Variants in BOLL observed in about 807,000 individuals in gnomAD.
BOLL encodes the protein protein boule-like.
In BOLL, 23 loss-of-function variants were observed where a neutral mutation model predicts 44.4. That is an observed-to-expected ratio of 0.52 (90% CI 0.37 to 0.73). The LOEUF is 0.73. Among genes scored for constraint, BOLL ranks in the 30% least tolerant of loss-of-function variants. The probability of loss-of-function intolerance (pLI) is 0.00; values close to 1 mark genes in which losing one functional copy is unlikely to be tolerated. For synonymous variants in BOLL, 97 were observed against 110.8 expected, an observed-to-expected ratio of 0.88 and a Z score of 0.78; for missense variants, 287 against 338.3, an observed-to-expected ratio of 0.85 and a Z score of 1.19.
intron 7 of BOLL, among the ~76,000 whole-genome samples, chr2:197,763,317 C>T (rs1688845987): frequency 6.6e-6 from 1 of 151,832 alleles, no homozygotes; most frequent in South Asian, 2.1e-4. Context: ...CCCGTCTCTA[C>T]TAAAAATACA....
chr2:197,776,968 A>G lies in BOLL; in HGVS notation c.276+91T>C, dbSNP rs1026468728. 69 of 1,004,524 alleles carry G rather than the reference A, an allele frequency of 6.9e-5. No homozygotes were observed. The African/African-American group carries it at 1.1e-3, about 17-fold the overall frequency. 62.2% of individuals were successfully genotyped at this position (1,004,524 alleles called of 1,614,324 possible). A position where few individuals can be genotyped will look rare whatever the true frequency, so the allele number is the denominator to read the frequency against. ...TCTTAAGATGCAAACCTTTTTTAAAAAGCAGTTGATTATTGTATTTGAACC... is the reference window on the plus strand; with the variant it reads ...TCTTAAGATGCAAACCTTTTTTAAAGAGCAGTTGATTATTGTATTTGAACC... On this transcript the variant is annotated intron_variant, in intron 4 of 10. Transcript: ENST00000392296.
chr2:197,766,487 G>A (rs1280413204), intron 7 of BOLL, 45 bp downstream of exon 7: 1 of 1,441,078 alleles, frequency 6.9e-7, no homozygotes, highest in Non-Finnish European at 9.7e-7. Context: ...AGCTAAGAAA[G>A]GACTGAAAGT....
chr2:197,729,300 G>A (rs1036778512), intron 10 of BOLL, among the ~76,000 whole-genome samples: 4 of 152,220 alleles, frequency 2.6e-5, no homozygotes, highest in Admixed American at 2.6e-4. Flanking sequence ...CTCGCACCTG[G>A]CTCGGAGGGT....
chr2:197,778,890 A>T (rs555391234), intron 3 of BOLL, 85 bp downstream of exon 3: 3 of 1,177,908 alleles, frequency 2.5e-6, no homozygotes, highest in South Asian at 2.8e-5. Context: ...TGGAAAATGG[A>T]ACCAAAGTAA....
chr2:197,747,841 G>A lies in BOLL; in HGVS notation c.730-4682C>T, dbSNP rs182722546. Among the ~76,000 whole-genome samples the A allele has an allele frequency of 3.1e-4, 47 of 152,278 alleles. No individual in the cohort carries two copies. The East Asian group carries it at 9.1e-3, about 29-fold the overall frequency. On this transcript the variant is annotated intron_variant, in intron 9 of 10. Transcript: ENST00000392296. ...AAACACAGACCAATGGAACAGGATAGAGAACTCAAATAAGACCACATATTT... is the reference window on the plus strand; with the variant it reads ...AAACACAGACCAATGGAACAGGATAAAGAACTCAAATAAGACCACATATTT...
chr2:197,732,001 A>G (rs1293415043), intron 10 of BOLL, among the ~76,000 whole-genome samples: 1 of 151,176 alleles, frequency 6.6e-6, no homozygotes, highest in Non-Finnish European at 1.5e-5. Context: ...AAACCCTTCA[A>G]AAAATTAATG....
intron 10 of BOLL, among the ~76,000 whole-genome samples, chr2:197,742,344 G>T (rs990284222): frequency 6.6e-6 from 1 of 152,260 alleles, no homozygotes; most frequent in East Asian, 1.9e-4. Flanking sequence ...AAATCATGCT[G>T]CTATAAAGAC....
chr2:197,728,921 G>C (rs1402608031), intron 10 of BOLL, among the ~76,000 whole-genome samples: 1 of 152,176 alleles, frequency 6.6e-6, no homozygotes, highest in African/African-American at 2.4e-5. Context: ...TTTTAAAAGG[G>C]GAATAGTATT....
intron 4 of BOLL, among the ~76,000 whole-genome samples, chr2:197,776,702 T>A (rs950415714): frequency 2.6e-5 from 4 of 152,020 alleles, no homozygotes; most frequent in Non-Finnish European, 5.9e-5. Context: ...GTGAATATTC[T>A]TAGTTTATAT....
At chr2:197,744,055 C>T (rs904077429) in intron 9 of BOLL, among the ~76,000 whole-genome samples, 15 of 152,306 alleles carry the variant, frequency 9.8e-5, no homozygotes, top group Non-Finnish European at 1.5e-4. Flanking sequence ...GGGATCCACC[C>T]GCCTCGGCCT....
intron 10 of BOLL, among the ~76,000 whole-genome samples, chr2:197,732,383 A>G (rs1208094315): frequency 1.3e-5 from 2 of 152,220 alleles, no homozygotes; most frequent in Non-Finnish European, 2.9e-5. Context: ...CCAGAGGTAC[A>G]AGGAACAACT....
chr2:197,781,647 G>T, intron 2 of BOLL, 75 bp downstream of exon 2: 1 of 1,283,556 alleles, frequency 7.8e-7, no homozygotes. Flanking sequence ...TTTTATAGTT[G>T]CACAAAGAAA....
At chr2:197,728,983 G>C (rs1317878452) in intron 10 of BOLL, among the ~76,000 whole-genome samples, 1 of 152,176 alleles carries the variant, frequency 6.6e-6, no homozygotes, top group African/African-American at 2.4e-5. Context: ...CAAGATGGCC[G>C]AATAGGAACA....
chr2:197,776,313 G>A (rs541853289), intron 4 of BOLL, among the ~76,000 whole-genome samples: 19 of 151,844 alleles, frequency 1.3e-4, no homozygotes, highest in Non-Finnish European at 2.8e-4. Flanking sequence ...TATTAGATGT[G>A]CTTAATTCAA....
chr2:197,746,690 A>C (rs2106332241), intron 9 of BOLL, among the ~76,000 whole-genome samples: 1 of 152,198 alleles, frequency 6.6e-6, no homozygotes, highest in African/African-American at 2.4e-5. Flanking sequence ...TCATGAGGTC[A>C]AGAAATCGAG....
At chr2:197,762,234 C>T (rs915355287) in intron 7 of BOLL, among the ~76,000 whole-genome samples, 9 of 152,090 alleles carry the variant, frequency 5.9e-5, no homozygotes, top group African/African-American at 2.2e-4. Flanking sequence ...ATCCCAGCTA[C>T]CGAGGAGGCT....
intron 4 of BOLL, among the ~76,000 whole-genome samples, chr2:197,776,440 T>C (rs1689516836): frequency 6.6e-5 from 10 of 151,948 alleles, no homozygotes; most frequent in Admixed American, 6.6e-4. Flanking sequence ...GATAGGTTGA[T>C]GGCAATATTG....
chr2:197,759,764 C>T (rs1688670295), intron 7 of BOLL, among the ~76,000 whole-genome samples: 1 of 152,342 alleles, frequency 6.6e-6, no homozygotes, highest in South Asian at 2.1e-4. Context: ...CTGCTGCACT[C>T]TCCTGAGCAG....
At chr2:197,757,666 C>T (rs1425972551) in intron 7 of BOLL, among the ~76,000 whole-genome samples, 1 of 151,918 alleles carries the variant, frequency 6.6e-6, no homozygotes, top group African/African-American at 2.4e-5. Flanking sequence ...AAAGCATAAA[C>T]AACAAAGCAA....
Sources: gnomAD v4.1 joint callset for allele counts (sites outside exome capture counted in the v4.1 genomes callset) on GRCh38, gnomAD v4.1.1 for gene constraint, MANE v1.5 for transcripts, NCBI Gene and HGNC (gene_info 2026-07-23, HGNC 2026-07-21) for gene names.